Variants in SPAG16 observed in about 807,000 individuals in gnomAD.
The protein encoded by SPAG16 is sperm-associated antigen 16 protein.
In SPAG16, 86 loss-of-function variants were observed where a neutral mutation model predicts 80.4. The ratio of observed to expected loss-of-function variants is 1.07; its 90% CI spans 0.90 to 1.28. The LOEUF is 1.28. Ranked by LOEUF, SPAG16 falls within the 50% of genes most tolerant of loss-of-function variation. SPAG16 has a pLI of 0.00. For synonymous variants in SPAG16, 294 were observed against 265.9 expected (o/e 1.11, Z -1.03); for missense variants, 870 against 765.3 (o/e 1.14, Z -1.61).
At chr2:213,599,344 C>T (rs1238429944) in intron 10 of SPAG16, among the ~76,000 whole-genome samples, 2 of 152,132 alleles carry the variant, frequency 1.3e-5, no homozygotes, top group East Asian at 3.9e-4. Flanking sequence ...CTACAGTTGT[C>T]CCTTGAAAAA....
At chr2:213,348,064 G>C (rs1337784920) in intron 6 of SPAG16, among the ~76,000 whole-genome samples, 2 of 152,128 alleles carry the variant, frequency 1.3e-5, no homozygotes, top group Admixed American at 6.5e-5. Context: ...AAGAATCTGG[G>C]TGCTCCTGTA....
chr2:213,612,111 C>G (rs2061456806), intron 10 of SPAG16, among the ~76,000 whole-genome samples: 1 of 151,978 alleles, frequency 6.6e-6, no homozygotes, highest in Non-Finnish European at 1.5e-5. Flanking sequence ...ATATTAAATA[C>G]CTATAGCAAA....
chr2:213,819,276 G>A (rs1020294246), intron 10 of SPAG16, among the ~76,000 whole-genome samples: 1 of 152,158 alleles, frequency 6.6e-6, no homozygotes, highest in Non-Finnish European at 1.5e-5. Flanking sequence ...TGATATTCAA[G>A]CTATTTTATT....
chr2:213,534,094 A>C (rs2076161793), intron 10 of SPAG16, among the ~76,000 whole-genome samples: 1 of 152,094 alleles, frequency 6.6e-6, no homozygotes, highest in Non-Finnish European at 1.5e-5. Context: ...CCATTTTTTA[A>C]GGTTTTGTAT....
chr2:213,945,526 T>G (rs116546490), intron 12 of SPAG16, among the ~76,000 whole-genome samples: 22,525 of 151,774 alleles, frequency 0.15, 2,074 homozygotes, highest in Non-Finnish European at 0.21. Flanking sequence ...GCTAGGCCAG[T>G]CTCGACTTTT....
intron 10 of SPAG16, among the ~76,000 whole-genome samples, chr2:213,533,200 A>G (rs2076129794): frequency 6.6e-6 from 1 of 152,190 alleles, no homozygotes; most frequent in Non-Finnish European, 1.5e-5. Flanking sequence ...TCATATATAC[A>G]CAACACTAAT....
intron 5 of SPAG16, among the ~76,000 whole-genome samples, chr2:213,326,485 G>T (rs985859059): frequency 6.6e-6 from 1 of 151,882 alleles, no homozygotes; most frequent in Non-Finnish European, 1.5e-5. Flanking sequence ...TTTTTTTCTG[G>T]ACGTGAATAT....
intron 13 of SPAG16, among the ~76,000 whole-genome samples, chr2:214,070,320 A>T (rs1219773295): frequency 6.6e-6 from 1 of 152,002 alleles, no homozygotes; most frequent in African/African-American, 2.4e-5. Flanking sequence ...ATATTTACTT[A>T]TCTTTTTCTG....
chr2:214,410,009 A>G, intron 15 of SPAG16, 131 bp from the exon 16 acceptor site: 4 of 878,182 alleles, frequency 4.6e-6, no homozygotes, highest in Non-Finnish European at 7.0e-6. Flanking sequence ...GAGCTACTGC[A>G]TATTTAATAA....
intron 15 of SPAG16, among the ~76,000 whole-genome samples, chr2:214,302,784 A>G (rs1376904079): frequency 6.6e-6 from 1 of 152,166 alleles, no homozygotes; most frequent in African/African-American, 2.4e-5. Context: ...CGCCTGGCCA[A>G]ATACTTCATT....
At chr2:213,488,959 C>T (rs546113272) in intron 9 of SPAG16, among the ~76,000 whole-genome samples, 1 of 151,366 alleles carries the variant, frequency 6.6e-6, no homozygotes, top group Non-Finnish European at 1.5e-5. Flanking sequence ...CCTGTAGTCC[C>T]AGCTACGCAG....
chr2:213,512,033 G>A (rs1174104529), intron 10 of SPAG16, among the ~76,000 whole-genome samples: 3 of 151,932 alleles, frequency 2.0e-5, no homozygotes, highest in Non-Finnish European at 2.9e-5. Flanking sequence ...CTTTTATAGA[G>A]AAGCACAGAT....
chr2:213,456,204 T>G (rs2072002363), intron 9 of SPAG16, among the ~76,000 whole-genome samples: 1 of 152,228 alleles, frequency 6.6e-6, no homozygotes, highest in African/African-American at 2.4e-5. Context: ...TTGCTAGCTG[T>G]GCTTTTAGAA....
intron 12 of SPAG16, among the ~76,000 whole-genome samples, chr2:213,933,503 A>T (rs768765943): frequency 3.3e-5 from 5 of 152,110 alleles, no homozygotes; most frequent in Admixed American, 6.6e-5. Context: ...TCACACTGTT[A>T]CTCTGATATT....
intron 12 of SPAG16, among the ~76,000 whole-genome samples, chr2:213,976,139 C>A (rs202172830): frequency 0.016 from 1,603 of 97,362 alleles, 35 homozygotes; most frequent in African/African-American, 0.056. Context: ...TATATATACA[C>A]ACACACACAC....
In SPAG16 at chr2:214,015,317, G is replaced by A. The variant is rs190303296; in HGVS notation, c.1527+1240G>A. ...GAGGTCTTTTGAAAGGGCTGGTTTC[G>A]GCTGGGTGCAGTGGCTCACGCCTGT... On this transcript the variant is annotated intron_variant, in intron 13 of 15. Coordinates refer to ENST00000331683, the MANE Select transcript of SPAG16 (RefSeq NM_024532.5). Among the ~76,000 whole-genome samples the A allele has an allele frequency of 1.0e-3, 159 of 152,038 alleles. 1 individual carries two copies. The highest frequency in any genetic ancestry group is 3.3e-3 in the African/African-American group (138 of 41,474).
At chr2:214,144,242 ACT>A (rs1225124280) in intron 14 of SPAG16, among the ~76,000 whole-genome samples, 3 of 152,166 alleles carry the variant, frequency 2.0e-5, no homozygotes, top group Admixed American at 2.0e-4. Context: ...ATAATATATA[ACT>A]GTTATCTTTG....
rs1191172148 is a variant in SPAG16 at position 214,005,592 on chromosome 2, G to A, written c.1401-8359G>A. Among the ~76,000 whole-genome samples the A allele has an allele frequency of 5.9e-5, 9 of 152,198 alleles. No homozygotes were observed. The South Asian group carries it at 1.5e-3, about 25-fold the overall frequency. ...TGGTGAATCTTATGGTAGAGCTTGC[G>A]GCAGACTCCATGGTAGATTTTATTT... On this transcript the variant is annotated intron_variant, in intron 12 of 15. Coordinates refer to ENST00000331683, the MANE Select transcript of SPAG16 (RefSeq NM_024532.5).
chr2:213,356,219 G>T (rs1395048476), intron 7 of SPAG16, among the ~76,000 whole-genome samples: 2 of 151,934 alleles, frequency 1.3e-5, no homozygotes, highest in Non-Finnish European at 2.9e-5. Context: ...TTTTTTTGTT[G>T]TGTCTCTGCC....
Sources: gnomAD v4.1 joint callset for allele counts (sites outside exome capture counted in the v4.1 genomes callset) on GRCh38, gnomAD v4.1.1 for gene constraint, MANE v1.5 for transcripts, NCBI Gene and HGNC (gene_info 2026-07-23, HGNC 2026-07-21) for gene names.